TGFB3: variants seen among roughly 807,000 people sequenced by gnomAD.
TGFB3 encodes transforming growth factor beta 3.
TGFB3 carries 5 observed loss-of-function variants against 40.1 expected under a neutral mutation model. That is an observed-to-expected ratio of 0.12 (90% CI 0.07 to 0.26). The LOEUF (loss-of-function observed/expected upper bound fraction) is 0.26, where lower values mean the gene tolerates loss of function less well. Among genes scored for constraint, TGFB3 ranks in the 10% least tolerant of loss-of-function variants. The pLI is 1.00. For synonymous variants in TGFB3, 184 were observed against 205.6 expected, an observed-to-expected ratio of 0.89 and a Z score of 0.90; for missense variants, 373 against 530.1, an observed-to-expected ratio of 0.70 and a Z score of 2.91.
Position 75,971,393 on chromosome 14 carries a change from A to G in TGFB3, c.517-138T>C. The G allele has an allele frequency of 6.6e-7, 1 of 1,519,386 alleles. No homozygotes were observed. The highest frequency in any genetic ancestry group is 1.2e-5 in the South Asian group (1 of 85,250). The allele number at this position is 1,519,386 out of a possible 1,614,324, so 94.1% of individuals were successfully genotyped here. A position where few individuals can be genotyped will look rare whatever the true frequency, so the allele number is the denominator to read the frequency against. On this transcript the variant is annotated intron_variant, in intron 2 of 6. Transcript: ENST00000238682. This position sits in a 1 kb window ranked among gnomAD's most constrained non-coding sequence, Gnocchi z 4.5. ...CCATGGCCCTCGAGCACCTTAGCTAACTCTTAAGTGTTTTAATGACAGACA... is the reference window on the plus strand; with the variant it reads ...CCATGGCCCTCGAGCACCTTAGCTAGCTCTTAAGTGTTTTAATGACAGACA...
intron 4 of TGFB3, among the ~76,000 whole-genome samples, chr14:75,963,856 C>T (rs1357985130): frequency 1.3e-5 from 2 of 151,014 alleles, no homozygotes; most frequent in East Asian, 1.9e-4. Flanking sequence ...CACATATCTC[C>T]GGGTTGTCGG....
At chr14:75,969,531 G>A (rs1431798228) in intron 3 of TGFB3, among the ~76,000 whole-genome samples, 1 of 152,142 alleles carries the variant, frequency 6.6e-6, no homozygotes, top group Non-Finnish European at 1.5e-5. Context: ...TGTAAAACAT[G>A]GTAAAAACCA....
chr14:75,971,291 A>G lies in TGFB3; in HGVS notation c.517-36T>C. 4 of 1,613,782 alleles carry G rather than the reference A, an allele frequency of 2.5e-6. No individual in the cohort carries two copies. The highest frequency in any genetic ancestry group is 3.4e-6 in the Non-Finnish European group (4 of 1,179,918). ...GAGAAAGGAGTGAGTACCCGAGACCAGGACAGAGTGCCCCAGAAGATGTCA... is the reference window on the plus strand; with the variant it reads ...GAGAAAGGAGTGAGTACCCGAGACCGGGACAGAGTGCCCCAGAAGATGTCA... On this transcript the variant is annotated intron_variant, in intron 2 of 6. Coordinates refer to ENST00000238682, the MANE Select transcript of TGFB3 (RefSeq NM_003239.5). This position sits in a 1 kb window ranked among gnomAD's most constrained non-coding sequence, Gnocchi z 4.5.
chr14:75,959,070 G>T lies in TGFB3; in HGVS notation c.*117C>A. 1.5e-6 allele frequency: 2 copies of T among 1,318,312 alleles called. No homozygotes were observed. The highest frequency in any genetic ancestry group is 2.2e-6 in the Non-Finnish European group (2 of 916,124). 81.7% of individuals were successfully genotyped at this position (1,318,312 alleles called of 1,614,324 possible). A position where few individuals can be genotyped will look rare whatever the true frequency, so the allele number is the denominator to read the frequency against. ...CCTCCATCTCAGCCATTTGCCCGGA[G>T]CCGAAGGTTGTGGGCTCCAGGCCTC... On this transcript the variant is annotated 3_prime_UTR_variant, in exon 7 of 7. Coordinates refer to ENST00000238682, the MANE Select transcript of TGFB3 (RefSeq NM_003239.5).
At chr14:75,982,118 G>C (rs2035443217), upstream of TGFB3, among the ~76,000 whole-genome samples, 1 of 152,232 alleles carries the variant, frequency 6.6e-6, no homozygotes, top group African/African-American at 2.4e-5. The surrounding 1 kb of genome is among the most constrained non-coding windows in gnomAD (Gnocchi z 4.0). Context: ...GTTTTAAACA[G>C]GCACAGGAAA....
chr14:75,975,832 A>C (rs897243235), intron 1 of TGFB3, among the ~76,000 whole-genome samples: 4 of 152,172 alleles, frequency 2.6e-5, no homozygotes, highest in African/African-American at 9.7e-5. Context: ...TAGAGTGTCA[A>C]CCTATGCCTC....
At position 75,959,174 on chromosome 14, in the gene TGFB3, C is replaced by T. The variant is rs375846390; in HGVS notation, c.*13G>A. 54 of 1,613,954 alleles carry T rather than the reference C, an allele frequency of 3.3e-5. No individual in the cohort carries two copies. The highest frequency in any genetic ancestry group is 5.0e-5 in the Admixed American group (3 of 59,996). Reference sequence around the variant, plus strand: ...GTGGTTCTCTCTCCCCTCTCTCTGTCGCACGTGGGGTCTCAGCTACATTTA... The same window carrying T: ...GTGGTTCTCTCTCCCCTCTCTCTGTTGCACGTGGGGTCTCAGCTACATTTA... On this transcript the variant is annotated 3_prime_UTR_variant, in exon 7 of 7. Coordinates refer to ENST00000238682, the MANE Select transcript of TGFB3 (RefSeq NM_003239.5).
intron 1 of TGFB3, among the ~76,000 whole-genome samples, chr14:75,973,729 A>C (rs1172870526): frequency 1.3e-5 from 2 of 152,242 alleles, no homozygotes; most frequent in African/African-American, 4.8e-5. Flanking sequence ...CCTGGGCAAC[A>C]GAGGGAGACT....
rs1421556941 is a variant in TGFB3, at chr14:75,978,563, G to C, written c.352+1979C>G. Among the ~76,000 whole-genome samples, 4 of 152,190 alleles carry C rather than the reference G, an allele frequency of 2.6e-5. No homozygotes were observed. The highest frequency in any genetic ancestry group is 9.6e-5 in the African/African-American group (4 of 41,452). Reference sequence around the variant, plus strand: ...TGGCTCCTCCCCAGCATCCTGAACAGCATCCTGCTCACTGTGCTGGGTTGC... The same window carrying C: ...TGGCTCCTCCCCAGCATCCTGAACACCATCCTGCTCACTGTGCTGGGTTGC... On this transcript the variant is annotated intron_variant, in intron 1 of 6. Coordinates refer to ENST00000238682, the MANE Select transcript of TGFB3 (RefSeq NM_003239.5). The surrounding 1 kb of genome is among the most constrained non-coding windows in gnomAD (Gnocchi z 5.0).
chr14:75,961,093 T>C lies in TGFB3; in HGVS notation c.927-17A>G. ...TCCAAGTTGCTACAACAAAAAACATTTATAGAAAATCAACTTAAAACCACC... is the reference window on the plus strand; with the variant it reads ...TCCAAGTTGCTACAACAAAAAACATCTATAGAAAATCAACTTAAAACCACC... On this transcript the variant is annotated splice_polypyrimidine_tract_variant and intron_variant, in intron 5 of 6. Coordinates refer to ENST00000238682, the MANE Select transcript of TGFB3 (RefSeq NM_003239.5). 6.2e-7 allele frequency: 1 copy of C among 1,613,996 alleles called. No individual in the cohort carries two copies. The highest frequency in any genetic ancestry group is 8.5e-7 in the Non-Finnish European group (1 of 1,179,968).
chr14:75,963,171 G>T (rs1419358638), intron 5 of TGFB3, 145 bp downstream of exon 5: 7 of 928,516 alleles, frequency 7.5e-6, no homozygotes, highest in Non-Finnish European at 8.7e-6. Context: ...AAATCTCTGT[G>T]AGAGATTTTC....
Position 75,962,906 on chromosome 14 carries a change from C to T in TGFB3, c.926+410G>A, listed in dbSNP as rs1266561253. Among the ~76,000 whole-genome samples the T allele has an allele frequency of 2.0e-5, 3 of 152,154 alleles. No homozygotes were observed. The South Asian group carries it at 6.2e-4, about 32-fold the overall frequency. The stretch of plus-strand genomic sequence containing the variant: ...CTATTTGCCTCCATCCAGTAGCATC[C>T]TTGGACCCTTCATAGGGAACTAACT... On this transcript the variant is annotated intron_variant, in intron 5 of 6. Coordinates refer to ENST00000238682, the MANE Select transcript of TGFB3 (RefSeq NM_003239.5).
Position 75,959,088 on chromosome 14 carries a change from C to T in TGFB3, c.*99G>A. 4.0e-6 allele frequency: 6 copies of T among 1,511,088 alleles called. No individual in the cohort carries two copies. Among genetic ancestry groups the T allele is most frequent in the Non-Finnish European group, 5.5e-6 (6 of 1,088,690 alleles). The allele number at this position is 1,511,088 out of a possible 1,614,324, so 93.6% of individuals were successfully genotyped here. ...GCCCGGAGCCGAAGGTTGTGGGCTC[C>T]AGGCCTCTCAGTGAGGTTTGTTGCT... On this transcript the variant is annotated 3_prime_UTR_variant, in exon 7 of 7. Coordinates refer to ENST00000238682, the MANE Select transcript of TGFB3 (RefSeq NM_003239.5).
intron 6 of TGFB3, 38 bp from the exon 7 acceptor site, chr14:75,959,383 A>G (rs762588429): frequency 1.2e-6 from 2 of 1,612,706 alleles, no homozygotes; most frequent in South Asian, 1.1e-5. Flanking sequence ...TGGAAGGCCA[A>G]GTCTCAGGCC....
intron 6 of TGFB3, among the ~76,000 whole-genome samples, chr14:75,959,623 T>C (rs2035128667): frequency 1.3e-5 from 2 of 151,838 alleles, no homozygotes; most frequent in Non-Finnish European, 1.5e-5. Context: ...ACAAAAAAAT[T>C]AGCTGGCTGT....
chr14:75,974,902 C>A (rs2035334940), intron 1 of TGFB3, among the ~76,000 whole-genome samples: 1 of 151,558 alleles, frequency 6.6e-6, no homozygotes, highest in Non-Finnish European at 1.5e-5. Flanking sequence ...ACCAGCCTGG[C>A]CAACATGGTG....
In TGFB3 at chr14:75,971,749, C is replaced by G. The variant is rs1433290597; in HGVS notation, c.353-31G>C. 1 of 1,612,932 alleles carries G rather than the reference C, an allele frequency of 6.2e-7. No individual in the cohort carries two copies. The highest frequency in any genetic ancestry group is 8.5e-7 in the Non-Finnish European group (1 of 1,179,528). Reference sequence around the variant, plus strand: ...AGATAAAGCAGAGCAGAGGGCACAGCATGAGCGAGACATGCAGGAACAGTG... The same window carrying G: ...AGATAAAGCAGAGCAGAGGGCACAGGATGAGCGAGACATGCAGGAACAGTG... On this transcript the variant is annotated intron_variant, in intron 1 of 6. Transcript: ENST00000238682. The surrounding 1 kb of genome is among the most constrained non-coding windows in gnomAD (Gnocchi z 4.5).
At chr14:75,964,470 A>C (rs11466434) in intron 4 of TGFB3, among the ~76,000 whole-genome samples, 242 of 152,352 alleles carry the variant, frequency 1.6e-3, no homozygotes, top group African/African-American at 5.6e-3. Context: ...TCATCTGAAA[A>C]AAAAGGAAAA....
upstream of TGFB3, among the ~76,000 whole-genome samples, chr14:75,982,456 C>T (rs543136420): frequency 5.3e-5 from 8 of 152,312 alleles, no homozygotes; most frequent in East Asian, 1.5e-3. This position sits in a 1 kb window ranked among gnomAD's most constrained non-coding sequence, Gnocchi z 4.0. Context: ...GACTCCCAGC[C>T]TGCGAGCCGG....
Sources: gnomAD v4.1 joint callset for allele counts (sites outside exome capture counted in the v4.1 genomes callset) on GRCh38, gnomAD v4.1.1 for gene constraint, Gnocchi (gnomAD v3.1) non-coding constraint, MANE v1.5 for transcripts, NCBI Gene and HGNC (gene_info 2026-07-23, HGNC 2026-07-21) for gene names.